Variants in JAK2 observed in about 807,000 individuals in gnomAD.
JAK2 encodes the protein tyrosine-protein kinase JAK2.
In JAK2, 86 loss-of-function variants were observed where a neutral mutation model predicts 139.3. The ratio of observed to expected loss-of-function variants is 0.62; its 90% CI spans 0.52 to 0.74. The LOEUF is 0.74. JAK2 is among the 30% of genes least tolerant of loss of function. JAK2 has a pLI of 0.00. For missense variants in JAK2, 1,421 were observed against 1,360.3 expected (o/e 1.04, Z -0.70); for synonymous variants, 490 against 437.7 (o/e 1.12, Z -1.49).
intron 8 of JAK2, among the ~76,000 whole-genome samples, chr9:5,057,120 T>G (rs1817820507): frequency 6.6e-6 from 1 of 152,148 alleles, no homozygotes; most frequent in Non-Finnish European, 1.5e-5. Context: ...AAGTATTATT[T>G]TATGTTTTTC....
At chr9:5,037,271 A>T (rs1317621550) in intron 4 of JAK2, among the ~76,000 whole-genome samples, 1 of 152,168 alleles carries the variant, frequency 6.6e-6, no homozygotes, top group African/African-American at 2.4e-5. Context: ...ACTGTAAACT[A>T]GTTCAACCAT....
chr9:5,009,793 C>T (rs974245072), intron 2 of JAK2, among the ~76,000 whole-genome samples: 14 of 150,454 alleles, frequency 9.3e-5, no homozygotes, highest in African/African-American at 3.4e-4. Context: ...TTTTTGCAGT[C>T]ACAGTCTTGC....
At chr9:5,011,894 T>A (rs1368396319) in intron 2 of JAK2, among the ~76,000 whole-genome samples, 1 of 152,218 alleles carries the variant, frequency 6.6e-6, no homozygotes, top group African/African-American at 2.4e-5. Context: ...TCTTCAAGTG[T>A]GGCTTTTCTG....
At chr9:4,996,280 C>G (rs1820555462) in intron 2 of JAK2, among the ~76,000 whole-genome samples, 1 of 152,126 alleles carries the variant, frequency 6.6e-6, no homozygotes, top group African/African-American at 2.4e-5. Context: ...GAAACCCTGT[C>G]TCTACTAAAT....
chr9:5,122,477 T>G (rs957920554), intron 22 of JAK2, among the ~76,000 whole-genome samples: 1 of 152,108 alleles, frequency 6.6e-6, no homozygotes, highest in Admixed American at 6.6e-5. Context: ...GAGCAGCTTA[T>G]TTTCACTTCT....
At chr9:5,013,812 T>G (rs1345326912) in intron 2 of JAK2, among the ~76,000 whole-genome samples, 1 of 152,194 alleles carries the variant, frequency 6.6e-6, no homozygotes, top group Non-Finnish European at 1.5e-5. Flanking sequence ...GATGTGTAAT[T>G]TACTATAAAT....
intron 2 of JAK2, among the ~76,000 whole-genome samples, chr9:5,010,198 G>A (rs1161469851): frequency 2.0e-5 from 3 of 152,168 alleles, no homozygotes; most frequent in East Asian, 1.9e-4. Context: ...TGTCGGAGCC[G>A]CCATGAATTC....
intron 22 of JAK2, chr9:5,094,057 G>A (rs997305357): frequency 1.3e-5 from 2 of 152,218 alleles, no homozygotes; most frequent in African/African-American, 4.8e-5. Flanking sequence ...AGCATAAAAC[G>A]TAAAACTTTA....
intron 9 of JAK2, among the ~76,000 whole-genome samples, chr9:5,065,925 T>C (rs955944072): frequency 2.6e-5 from 4 of 152,194 alleles, no homozygotes; most frequent in African/African-American, 2.4e-5. Context: ...GTAATGAATA[T>C]TGTTGCTATG....
intron 22 of JAK2, among the ~76,000 whole-genome samples, chr9:5,116,349 G>C (rs1823174044): frequency 6.6e-6 from 1 of 152,118 alleles, no homozygotes; most frequent in Admixed American, 6.6e-5. Flanking sequence ...GGGTAGGTTT[G>C]AAATTTTTCA....
intron 4 of JAK2, among the ~76,000 whole-genome samples, chr9:5,031,251 G>C (rs948479674): frequency 6.6e-6 from 1 of 152,160 alleles, no homozygotes; most frequent in African/African-American, 2.4e-5. Flanking sequence ...ATAGCCATGA[G>C]AAAGAAGACT....
chr9:5,013,598 T>C (rs1453649577), intron 2 of JAK2, among the ~76,000 whole-genome samples: 1 of 152,222 alleles, frequency 6.6e-6, no homozygotes, highest in Non-Finnish European at 1.5e-5. Context: ...CATTCCTCTT[T>C]CCATGTTTTG....
intron 2 of JAK2, among the ~76,000 whole-genome samples, chr9:4,994,988 G>A (rs73389479): frequency 0.14 from 21,684 of 152,100 alleles, 3,906 homozygotes; most frequent in African/African-American, 0.43. Flanking sequence ...TAGAAGAGGA[G>A]TTGCTGATTC....
chr9:5,126,949 G>T lies in JAK2; in HGVS notation c.*158G>T, dbSNP rs577084695. 7 of 411,972 alleles carry T rather than the reference G, an allele frequency of 1.7e-5. No homozygotes were observed. Among genetic ancestry groups the T allele is most frequent in the African/African-American group, 4.1e-5 (2 of 48,334 alleles). The allele number at this position is 411,972 out of a possible 1,614,324, so 25.5% of individuals were successfully genotyped here. A position where few individuals can be genotyped will look rare whatever the true frequency, so the allele number is the denominator to read the frequency against. ...ATCTGCTCAAAACTTTCAAAGTTTA[G>T]TAAGTTTTTCTTCATGAGGCCACCA... is the stretch of plus-strand genomic sequence containing the variant. On this transcript the variant is annotated 3_prime_UTR_variant, in exon 25 of 25. Transcript: ENST00000381652.
chr9:5,106,546 C>G (rs1821968916), intron 22 of JAK2, among the ~76,000 whole-genome samples: 1 of 152,182 alleles, frequency 6.6e-6, no homozygotes, highest in Non-Finnish European at 1.5e-5. Flanking sequence ...CATCCCATTA[C>G]TGGGTATACA....
At chr9:5,109,782 CA>C (rs1822285814) in intron 22 of JAK2, 1 of 152,152 alleles carries the variant, frequency 6.6e-6, no homozygotes, top group African/African-American at 2.4e-5. Flanking sequence ...GTAGAATTCT[CA>C]ATATGATATA....
chr9:5,097,818 G>A (rs1210815091), intron 22 of JAK2: 1 of 152,200 alleles, frequency 6.6e-6, no homozygotes, highest in African/African-American at 2.4e-5. Flanking sequence ...CAGGAGCGGT[G>A]TTCGCCATCA....
intron 22 of JAK2, among the ~76,000 whole-genome samples, chr9:5,115,957 G>C (rs1823125547): frequency 1.3e-5 from 2 of 151,872 alleles, no homozygotes; most frequent in African/African-American, 4.8e-5. Flanking sequence ...ACCTAATGTA[G>C]TTGATGGGTT....
In JAK2 at chr9:5,080,232, T is replaced by C; in HGVS notation, c.2135T>C (p.Leu712Pro). 1 of 1,610,118 alleles carries C rather than the reference T, an allele frequency of 6.2e-7. No homozygotes were observed. Among genetic ancestry groups the C allele is most frequent in the Non-Finnish European group, 8.5e-7 (1 of 1,177,786 alleles). The part of the protein sequence containing the change: ...ISITVLPKDI[L>P]QERIPWVPPE... ...CTCTGTTCGTATCATTTAAAAGTTC[T>C]TCAGGAGAGAATACCATGGGTACCA... The change falls in exon 17 of 25, where the codon CTT becomes CCT. Residue 712 changes from leucine (L) to proline (P), a missense_variant. By Grantham distance (98) the Leu-to-Pro change is moderately conservative. Transcript: ENST00000381652.
Sources: gnomAD v4.1 joint callset for allele counts (sites outside exome capture counted in the v4.1 genomes callset) on GRCh38, gnomAD v4.1.1 for gene constraint, MANE v1.5 for transcripts, NCBI Gene and HGNC (gene_info 2026-07-23, HGNC 2026-07-21) for gene names.